The following GPC3 variants were observed in gnomAD, a reference collection of about 807,000 sequenced individuals.
GPC3 encodes glypican-3.
GPC3 carries 3 observed loss-of-function variants against 34.4 expected under a neutral mutation model. That is an observed-to-expected ratio of 0.09 (90% CI 0.04 to 0.23). The LOEUF is 0.23. GPC3 is among the 10% of genes least tolerant of loss of function. GPC3 has a pLI of 1.00. For synonymous variants in GPC3, 177 were observed against 174.0 expected (o/e 1.02, Z -0.13); for missense variants, 351 against 445.6 (o/e 0.79, Z 1.91).
At chrX:133,944,614 C>T (rs747865921) in intron 2 of GPC3, among the ~76,000 whole-genome samples, 1 of 111,817 alleles carries the variant, frequency 8.9e-6, no homozygotes, top group Non-Finnish European at 1.9e-5. Flanking sequence ...AAGTGGTTAT[C>T]TCTGAATGAG....
chrX:133,903,150 C>CAA (rs61507100), intron 2 of GPC3, among the ~76,000 whole-genome samples: 37 of 88,367 alleles, frequency 4.2e-4, no homozygotes, highest in African/African-American at 1.5e-3. Flanking sequence ...GACTCTGTCT[C>CAA]AAAAAAAAAA....
chrX:133,876,553 A>G (rs1400385137), intron 2 of GPC3, among the ~76,000 whole-genome samples: 1 of 112,574 alleles, frequency 8.9e-6, no homozygotes, highest in East Asian at 2.8e-4. Context: ...TCTAAGGCAA[A>G]GAGCAAGAGG....
At chrX:133,619,611 A>G (rs2070207735) in intron 6 of GPC3, among the ~76,000 whole-genome samples, 1 of 111,695 alleles carries the variant, frequency 9.0e-6, no homozygotes, top group Non-Finnish European at 1.9e-5. Context: ...TGCCATTTAT[A>G]TGAACTATCA....
intron 1 of GPC3, among the ~76,000 whole-genome samples, chrX:133,962,232 G>A (rs1011621257): frequency 1.8e-5 from 2 of 111,937 alleles, no homozygotes; most frequent in African/African-American, 6.5e-5. Context: ...GAATTCCCAC[G>A]GAACTCTCCA....
At chrX:133,940,630 C>T (rs968666628) in intron 2 of GPC3, among the ~76,000 whole-genome samples, 7 of 111,899 alleles carry the variant, frequency 6.3e-5, no homozygotes, top group African/African-American at 2.3e-4. Context: ...CACCAACCTT[C>T]CAGAGGTCTC....
rs761253297 is a variant in GPC3 at position 133,881,680 on chromosome X, T to A, written c.337+71370A>T. ...TTACCTGAATTCTTAAAGGGTGAAG[T>A]GAAGAACTAAGTCCTTTTTTTCCCT... On this transcript the variant is annotated intron_variant, in intron 2 of 7. Transcript: ENST00000370818. Among the ~76,000 whole-genome samples, 28 of 112,151 alleles carry A rather than the reference T, an allele frequency of 2.5e-4. No homozygotes were observed. In the South Asian group the frequency reaches 0.01, roughly 42 times the overall value.
intron 6 of GPC3, among the ~76,000 whole-genome samples, chrX:133,625,274 C>T: frequency 8.9e-6 from 1 of 111,851 alleles, no homozygotes; most frequent in Middle Eastern, 4.6e-3. Context: ...GATGCCCTCT[C>T]TCACCACTCC....
chrX:133,736,004 G>C (rs901940279), intron 3 of GPC3, among the ~76,000 whole-genome samples: 1 of 109,571 alleles, frequency 9.1e-6, no homozygotes. Flanking sequence ...TAAGGGTCTA[G>C]TATCCAGAAT....
intron 2 of GPC3, among the ~76,000 whole-genome samples, chrX:133,915,441 C>T (rs866958170): frequency 1.5e-4 from 17 of 112,174 alleles, no homozygotes; most frequent in African/African-American, 4.5e-4. Context: ...TCCCAAAGTG[C>T]TGGGATTACA....
At chrX:133,719,540 AG>A (rs994769840) in intron 3 of GPC3, among the ~76,000 whole-genome samples, 5 of 111,645 alleles carry the variant, frequency 4.5e-5, no homozygotes, top group African/African-American at 1.6e-4. Context: ...ATGACGAGTT[AG>A]TGGGTGCAGT....
intron 2 of GPC3, among the ~76,000 whole-genome samples, chrX:133,900,318 C>T (rs1026295790): frequency 1.8e-5 from 2 of 112,213 alleles, no homozygotes; most frequent in Admixed American, 1.9e-4. Flanking sequence ...TATTGATTGC[C>T]TGGCACATAG....
At chrX:133,855,341 A>T (rs1177999829) in intron 2 of GPC3, among the ~76,000 whole-genome samples, 1 of 109,416 alleles carries the variant, frequency 9.1e-6, no homozygotes, top group African/African-American at 3.3e-5. Context: ...TTTTTAAATT[A>T]TTTTTTGTAG....
chrX:133,823,178 A>AATGT (rs1311830585), intron 2 of GPC3, among the ~76,000 whole-genome samples: 1 of 101,812 alleles, frequency 9.8e-6, no homozygotes, highest in Non-Finnish European at 2.0e-5. Context: ...TGGCTGGAAA[A>AATGT]ATGTCATATT....
Position 133,589,727 on chromosome X carries a change from T to C in GPC3, c.1573+6713A>G, listed in dbSNP as rs757296218. On this transcript the variant is annotated intron_variant, in intron 7 of 7. Transcript: ENST00000370818. ...TGGAACCGTGAGTCCATTAAACCTGTTTCCTTTATAAATTACCCCATCTCT... is the reference window on the plus strand; with the variant it reads ...TGGAACCGTGAGTCCATTAAACCTGCTTCCTTTATAAATTACCCCATCTCT... Among the ~76,000 whole-genome samples, 90 of 111,676 alleles carry C rather than the reference T, an allele frequency of 8.1e-4. 1 individual carries two copies. Among genetic ancestry groups the C allele is most frequent in the African/African-American group, 2.8e-3 (85 of 30,677 alleles).
At chrX:133,590,356 A>C (rs1156592839) in intron 7 of GPC3, among the ~76,000 whole-genome samples, 2 of 111,632 alleles carry the variant, frequency 1.8e-5, no homozygotes, top group East Asian at 5.7e-4. Context: ...AGGGAAATAC[A>C]TTACCCTTGG....
At chrX:133,617,821 G>A (rs1269787419) in intron 6 of GPC3, among the ~76,000 whole-genome samples, 3 of 111,057 alleles carry the variant, frequency 2.7e-5, no homozygotes, top group African/African-American at 6.5e-5. Flanking sequence ...CAGGGGTCTC[G>A]CTATGTTGCC....
At chrX:133,610,967 A>AGAC (rs1405120355) in intron 6 of GPC3, among the ~76,000 whole-genome samples, 1 of 107,850 alleles carries the variant, frequency 9.3e-6, no homozygotes, top group African/African-American at 3.4e-5. Context: ...AAGTCTACGA[A>AGAC]GACAATAGAT....
At chrX:133,656,752 G>A (rs963750823) in intron 6 of GPC3, among the ~76,000 whole-genome samples, 1 of 111,671 alleles carries the variant, frequency 9.0e-6, no homozygotes, top group African/African-American at 3.3e-5. Context: ...AATTGGGTGG[G>A]GGGAAGGGCA....
intron 3 of GPC3, among the ~76,000 whole-genome samples, chrX:133,703,727 T>C (rs2071187875): frequency 8.9e-6 from 1 of 112,132 alleles, no homozygotes; most frequent in Non-Finnish European, 1.9e-5. Flanking sequence ...CCCAAAGTGC[T>C]GGGATTACAG....
Sources: gnomAD v4.1 joint callset for allele counts (sites outside exome capture counted in the v4.1 genomes callset) on GRCh38, gnomAD v4.1.1 for gene constraint, MANE v1.5 for transcripts, NCBI Gene and HGNC (gene_info 2026-07-23, HGNC 2026-07-21) for gene names.